Variants in CERS6 observed in about 807,000 individuals in gnomAD.
CERS6 encodes the protein ceramide synthase 6.
CERS6 carries 26 observed loss-of-function variants against 56.8 expected under a neutral mutation model. The observed-to-expected ratio is 0.46, with a 90% confidence interval of 0.34 to 0.63. The LOEUF (loss-of-function observed/expected upper bound fraction) is 0.63. CERS6 is among the 30% of genes least tolerant of loss of function. The pLI is 0.01. For missense variants in CERS6, 415 were observed against 467.5 expected, an observed-to-expected ratio of 0.89 and a Z score of 1.04; for synonymous variants, 164 against 173.3, an observed-to-expected ratio of 0.95 and a Z score of 0.42.
intron 3 of CERS6, among the ~76,000 whole-genome samples, chr2:168,602,174 T>A (rs908573700): frequency 5.9e-5 from 9 of 152,260 alleles, no homozygotes; most frequent in African/African-American, 2.2e-4. Flanking sequence ...CGATTCTTTT[T>A]TCTCTTTCTC....
At chr2:168,665,713 A>T (rs1298965030) in intron 4 of CERS6, among the ~76,000 whole-genome samples, 1 of 152,196 alleles carries the variant, frequency 6.6e-6, no homozygotes, top group Non-Finnish European at 1.5e-5. Flanking sequence ...GCTGTATACT[A>T]CATACCTACA....
intron 8 of CERS6, among the ~76,000 whole-genome samples, chr2:168,742,124 C>G (rs922985679): frequency 6.6e-6 from 1 of 152,190 alleles, no homozygotes; most frequent in African/African-American, 2.4e-5. Flanking sequence ...TGCTTCAGTT[C>G]TGCATGTTAT....
chr2:168,771,876 C>T lies in CERS6; in HGVS notation c.*2214C>T, dbSNP rs1191580890. ...AAATCTAAGCAATCATTTTTCCCCC[C>T]AGAAGTTACTTAGAAGGAGAACTGG... On this transcript the variant is annotated 3_prime_UTR_variant, in exon 10 of 10. Transcript: ENST00000305747. 3 of 152,182 alleles carry T rather than the reference C, an allele frequency of 2.0e-5. No individual in the cohort carries two copies. Among genetic ancestry groups the T allele is most frequent in the African/African-American group, 4.8e-5 (2 of 41,442 alleles). 9.4% of individuals were successfully genotyped at this position (152,182 alleles called of 1,614,324 possible).
At chr2:168,646,400 T>C (rs1438194926) in intron 4 of CERS6, among the ~76,000 whole-genome samples, 1 of 152,222 alleles carries the variant, frequency 6.6e-6, no homozygotes, top group Admixed American at 6.5e-5. Context: ...GCTTTTCTCT[T>C]GTAAATTTGT....
intron 1 of CERS6, among the ~76,000 whole-genome samples, chr2:168,498,782 G>A (rs1473286292): frequency 6.6e-6 from 1 of 152,194 alleles, no homozygotes; most frequent in Non-Finnish European, 1.5e-5. Context: ...GAAGGGATGG[G>A]CAGCGTCAGG....
In CERS6 at chr2:168,456,423, C is replaced by T. The variant is rs1420807323; in HGVS notation, c.-26C>T. The T allele has an allele frequency of 1.3e-6, 2 of 1,568,462 alleles. No individual in the cohort carries two copies. Among genetic ancestry groups the T allele is most frequent in the Non-Finnish European group, 1.7e-6 (2 of 1,155,088 alleles). On this transcript the variant is annotated 5_prime_UTR_variant, in exon 1 of 10. Transcript: ENST00000305747. This position sits in a 1 kb window ranked among gnomAD's most constrained non-coding sequence, Gnocchi z 4.1. Reference sequence around the variant, plus strand: ...GGAGAGCTTGGCGGGCTGCGGGTGCCGCAGGACAGGAGTGGACAAAGCAAG... The same window carrying T: ...GGAGAGCTTGGCGGGCTGCGGGTGCTGCAGGACAGGAGTGGACAAAGCAAG...
intron 8 of CERS6, among the ~76,000 whole-genome samples, chr2:168,764,700 A>G (rs971238653): frequency 6.6e-6 from 1 of 152,024 alleles, no homozygotes; most frequent in African/African-American, 2.4e-5. Flanking sequence ...TTTGCAGTGT[A>G]TTGGCATTGA....
intron 8 of CERS6, among the ~76,000 whole-genome samples, chr2:168,744,160 C>A (rs1010947864): frequency 6.6e-6 from 1 of 151,612 alleles, no homozygotes. Flanking sequence ...CACCCACCAC[C>A]ACGCCCGGCT....
At chr2:168,765,015 T>C (rs1277518789) in intron 8 of CERS6, among the ~76,000 whole-genome samples, 1 of 152,198 alleles carries the variant, frequency 6.6e-6, no homozygotes, top group Non-Finnish European at 1.5e-5. Flanking sequence ...CTTATACGTA[T>C]TATAATTCAG....
intron 4 of CERS6, among the ~76,000 whole-genome samples, chr2:168,677,129 C>G (rs1458733716): frequency 6.6e-6 from 1 of 151,388 alleles, no homozygotes. Context: ...ATCAACCCAT[C>G]ATCTACATTA....
At chr2:168,696,253 T>TA (rs1559056167) in intron 6 of CERS6, among the ~76,000 whole-genome samples, 1 of 152,218 alleles carries the variant, frequency 6.6e-6, no homozygotes, top group Non-Finnish European at 1.5e-5. Flanking sequence ...CATGGTCTTC[T>TA]AGTCTTGTTC....
chr2:168,692,921 T>C (rs1686542456), intron 5 of CERS6, among the ~76,000 whole-genome samples: 1 of 152,196 alleles, frequency 6.6e-6, no homozygotes, highest in Admixed American at 6.5e-5. Flanking sequence ...ATATTTATGG[T>C]ATCTTTAGCA....
intron 1 of CERS6, among the ~76,000 whole-genome samples, chr2:168,468,958 G>A (rs1693930847): frequency 6.6e-6 from 1 of 152,018 alleles, no homozygotes; most frequent in African/African-American, 2.4e-5. Flanking sequence ...CCTAATAAGA[G>A]CCTCCCAGAA....
chr2:168,513,658 T>C (rs1044565613), intron 1 of CERS6, among the ~76,000 whole-genome samples: 2 of 152,212 alleles, frequency 1.3e-5, no homozygotes, highest in African/African-American at 4.8e-5. Context: ...ACCTGGCTGA[T>C]GCAGTGTTTG....
At chr2:168,627,319 C>T (rs190506265) in intron 3 of CERS6, among the ~76,000 whole-genome samples, 42 of 152,218 alleles carry the variant, frequency 2.8e-4, no homozygotes, top group South Asian at 1.2e-3. Flanking sequence ...TAGAATTATA[C>T]TTTTTGAAAT....
chr2:168,512,785 A>G (rs1006847458), intron 1 of CERS6, among the ~76,000 whole-genome samples: 1 of 151,372 alleles, frequency 6.6e-6, no homozygotes, highest in African/African-American at 2.4e-5. Context: ...CTCCTGCTTC[A>G]GCCTCCAGAG....
rs188552876 is a variant in CERS6 at position 168,730,614 on chromosome 2, G to T, written c.845+12636G>T. Among the ~76,000 whole-genome samples, 10 of 152,292 alleles carry T rather than the reference G, an allele frequency of 6.6e-5. No individual in the cohort carries two copies. In the East Asian group the frequency reaches 1.7e-3, roughly 27 times the overall value. Reference sequence around the variant, plus strand: ...AGCCACCCTGTGGATTTCTCATCAGGCTTACTGTGTTGTCAATTAGGTGCC... The same window carrying T: ...AGCCACCCTGTGGATTTCTCATCAGTCTTACTGTGTTGTCAATTAGGTGCC... On this transcript the variant is annotated intron_variant, in intron 8 of 9. Transcript: ENST00000305747.
At chr2:168,703,509 G>C (rs1487214473) in intron 6 of CERS6, among the ~76,000 whole-genome samples, 1 of 152,106 alleles carries the variant, frequency 6.6e-6, no homozygotes, top group African/African-American at 2.4e-5. Flanking sequence ...AGTGAGCCAA[G>C]ATCACGCCAC....
chr2:168,602,169 C>G (rs1412393597), intron 3 of CERS6, among the ~76,000 whole-genome samples: 1 of 152,056 alleles, frequency 6.6e-6, no homozygotes, highest in African/African-American at 2.4e-5. Context: ...TTGGCCGATT[C>G]TTTTTTCTCT....
Sources: gnomAD v4.1 joint callset for allele counts (sites outside exome capture counted in the v4.1 genomes callset) on GRCh38, gnomAD v4.1.1 for gene constraint, Gnocchi (gnomAD v3.1) non-coding constraint, MANE v1.5 for transcripts, NCBI Gene and HGNC (gene_info 2026-07-23, HGNC 2026-07-21) for gene names.